NEGR1: variants seen among roughly 807,000 people sequenced by gnomAD.
NEGR1 encodes neuronal growth regulator 1.
In NEGR1, 10 loss-of-function variants were observed where a neutral mutation model predicts 40.9. That is an observed-to-expected ratio of 0.24 (90% CI 0.15 to 0.42). The LOEUF is 0.42. Among genes scored for constraint, NEGR1 ranks in the 10% least tolerant of loss-of-function variants. The probability of loss-of-function intolerance (pLI) is 1.00; values close to 1 mark genes in which losing one functional copy is unlikely to be tolerated. For synonymous variants in NEGR1, 185 were observed against 166.8 expected, an observed-to-expected ratio of 1.11 and a Z score of -0.84; for missense variants, 352 against 438.9, an observed-to-expected ratio of 0.80 and a Z score of 1.77.
chr1:71,765,396 G>A (rs906498765), intron 3 of NEGR1, among the ~76,000 whole-genome samples: 6 of 152,046 alleles, frequency 3.9e-5, no homozygotes, highest in South Asian at 2.1e-4. Context: ...AGAGTTTGTT[G>A]AATCTCAAAG....
At chr1:71,624,809 T>G (rs1407229147) in intron 4 of NEGR1, among the ~76,000 whole-genome samples, 3 of 151,942 alleles carry the variant, frequency 2.0e-5, no homozygotes, top group Non-Finnish European at 2.9e-5. Flanking sequence ...TACTCTCAAA[T>G]TCTTTCCTTC....
intron 1 of NEGR1, among the ~76,000 whole-genome samples, chr1:72,198,825 TA>T (rs1653094295): frequency 1.3e-5 from 2 of 152,116 alleles, no homozygotes; most frequent in South Asian, 4.1e-4. Context: ...ATATTTATCT[TA>T]AAATAAGTTT....
chr1:71,676,406 C>G (rs537309875), intron 4 of NEGR1, among the ~76,000 whole-genome samples: 2,601 of 151,934 alleles, frequency 0.017, 24 homozygotes, highest in Non-Finnish European at 0.025. Flanking sequence ...TTTGCTAAAC[C>G]TCAAGCACCA....
chr1:71,765,792 C>T (rs1656100683), intron 3 of NEGR1, among the ~76,000 whole-genome samples: 1 of 152,122 alleles, frequency 6.6e-6, no homozygotes, highest in Admixed American at 6.5e-5. Context: ...TATCCCTATG[C>T]CTTAGATCAC....
chr1:72,066,378 G>A (rs1160656375), intron 1 of NEGR1, among the ~76,000 whole-genome samples: 1 of 152,050 alleles, frequency 6.6e-6, no homozygotes, highest in Non-Finnish European at 1.5e-5. Flanking sequence ...TAAATATACA[G>A]AATTAGTCTC....
At chr1:71,622,528 A>G (rs1239435709) in intron 4 of NEGR1, among the ~76,000 whole-genome samples, 3 of 151,926 alleles carry the variant, frequency 2.0e-5, no homozygotes, top group African/African-American at 7.2e-5. Context: ...AAAACATAAG[A>G]ATTTTTTTGT....
chr1:71,763,247 G>A (rs1368695681), intron 3 of NEGR1, among the ~76,000 whole-genome samples: 1 of 152,020 alleles, frequency 6.6e-6, no homozygotes, highest in Non-Finnish European at 1.5e-5. Flanking sequence ...ATTGGGTGGG[G>A]GGTCCTCCTT....
At chr1:71,862,478 A>G (rs1004721556) in intron 2 of NEGR1, among the ~76,000 whole-genome samples, 5 of 152,066 alleles carry the variant, frequency 3.3e-5, no homozygotes, top group Non-Finnish European at 7.4e-5. Context: ...TATTACAAAA[A>G]CATCACAATT....
intron 1 of NEGR1, among the ~76,000 whole-genome samples, chr1:72,232,399 A>C (rs1239448226): frequency 6.6e-6 from 1 of 151,874 alleles, no homozygotes; most frequent in Non-Finnish European, 1.5e-5. Context: ...GTTAATTTAC[A>C]ATCAAGCATA....
intron 2 of NEGR1, among the ~76,000 whole-genome samples, chr1:71,912,565 C>A (rs1661447706): frequency 6.6e-6 from 1 of 152,160 alleles, no homozygotes; most frequent in South Asian, 2.1e-4. Flanking sequence ...TGATAAACGT[C>A]ATTCTTACAG....
intron 2 of NEGR1, among the ~76,000 whole-genome samples, chr1:71,885,491 C>T (rs552043480): frequency 7.9e-5 from 12 of 152,116 alleles, no homozygotes; most frequent in East Asian, 3.9e-4. Flanking sequence ...AAGGAAAATT[C>T]GCACGTTAGC....
At chr1:72,112,490 G>C (rs1649412646) in intron 1 of NEGR1, among the ~76,000 whole-genome samples, 1 of 151,034 alleles carries the variant, frequency 6.6e-6, no homozygotes, top group South Asian at 2.1e-4. Flanking sequence ...AAATTGTTCT[G>C]AAACAATGTA....
At chr1:71,784,743 C>T (rs1656849409) in intron 2 of NEGR1, among the ~76,000 whole-genome samples, 1 of 152,148 alleles carries the variant, frequency 6.6e-6, no homozygotes, top group Non-Finnish European at 1.5e-5. Context: ...TAACAATTTG[C>T]CAGTTAGATT....
At chr1:71,588,898 T>C (rs954564567) in intron 6 of NEGR1, among the ~76,000 whole-genome samples, 2 of 152,136 alleles carry the variant, frequency 1.3e-5, no homozygotes, top group Admixed American at 6.6e-5. Flanking sequence ...CACACAGCCA[T>C]TGGGCCTATT....
intron 4 of NEGR1, among the ~76,000 whole-genome samples, chr1:71,638,980 G>GAATAAAATAA (rs199573293): frequency 1.3e-5 from 2 of 151,390 alleles, no homozygotes; most frequent in Admixed American, 6.6e-5. Flanking sequence ...CAAGGAGGAA[G>GAATAAAATAA]AATAAAATAA....
At chr1:72,191,291 C>A (rs1243378607) in intron 1 of NEGR1, among the ~76,000 whole-genome samples, 1 of 151,624 alleles carries the variant, frequency 6.6e-6, no homozygotes, top group African/African-American at 2.4e-5. Flanking sequence ...GTTTTAGGTT[C>A]CTTTTGATCT....
chr1:71,660,929 T>C (rs1011630870), intron 4 of NEGR1, among the ~76,000 whole-genome samples: 2 of 152,172 alleles, frequency 1.3e-5, no homozygotes, highest in Non-Finnish European at 2.9e-5. Context: ...CAACTTCCAC[T>C]TATGAATGAG....
chr1:72,093,759 A>T (rs943526528), intron 1 of NEGR1, among the ~76,000 whole-genome samples: 3 of 152,148 alleles, frequency 2.0e-5, no homozygotes, highest in African/African-American at 7.2e-5. Flanking sequence ...GGATTTATAG[A>T]TCTTGTCAGT....
At chr1:72,273,257 C>T (rs1176213746) in intron 1 of NEGR1, among the ~76,000 whole-genome samples, 3 of 151,918 alleles carry the variant, frequency 2.0e-5, no homozygotes, top group Non-Finnish European at 4.4e-5. Context: ...GTTATTCATC[C>T]ATATTAACAG....
Sources: allele counts gnomAD v4.1 joint callset (sites outside exome capture counted in the v4.1 genomes callset), GRCh38; gene constraint gnomAD v4.1.1; transcripts MANE v1.5; gene names NCBI Gene and HGNC (gene_info 2026-07-23, HGNC 2026-07-21).